Variants in TNRC6B observed in about 807,000 individuals in gnomAD.
TNRC6B encodes trinucleotide repeat containing adaptor 6B.
In TNRC6B, 52 loss-of-function variants were observed where a neutral mutation model predicts 203.6. That is an observed-to-expected ratio of 0.26 (90% confidence interval 0.20 to 0.32). The LOEUF is 0.32. TNRC6B is among the 10% of genes least tolerant of loss of function. TNRC6B has a pLI of 1.00. For missense variants in TNRC6B, 1,923 were observed against 2,286.2 expected (o/e 0.84, Z 3.24); for synonymous variants, 838 against 845.7 (o/e 0.99, Z 0.16).
intron 1 of TNRC6B, among the ~76,000 whole-genome samples, chr22:40,088,491 A>T (rs189912634): frequency 2.8e-4 from 42 of 151,886 alleles, no homozygotes; most frequent in Admixed American, 2.3e-3. Context: ...AGCTTACTGC[A>T]ACCTCCGCCT....
chr22:40,175,210 A>T (rs566800106), upstream of TNRC6B, among the ~76,000 whole-genome samples: 3 of 151,448 alleles, frequency 2.0e-5, no homozygotes, highest in South Asian at 6.2e-4. Flanking sequence ...TACAAAAATT[A>T]TCTGGGCATG....
At chr22:40,106,728 G>A (rs900764457) in intron 1 of TNRC6B, 15 of 764,442 alleles carry the variant, frequency 2.0e-5, no homozygotes, top group African/African-American at 1.7e-4. Context: ...TCAGGAAGGC[G>A]AAGAAGCTGC....
At chr22:40,084,298 C>T (rs528286931) in intron 1 of TNRC6B, among the ~76,000 whole-genome samples, 84 of 152,094 alleles carry the variant, frequency 5.5e-4, no homozygotes, top group Non-Finnish European at 9.4e-4. Context: ...ATAATCACAC[C>T]GTGAATTGAA....
At chr22:40,177,687 A>G (rs1192561618), upstream of TNRC6B, among the ~76,000 whole-genome samples, 2 of 152,176 alleles carry the variant, frequency 1.3e-5, no homozygotes, top group African/African-American at 2.4e-5. Context: ...CTATAAACCA[A>G]TAAAGGTTTT....
intron 1 of TNRC6B, among the ~76,000 whole-genome samples, chr22:40,216,366 C>T (rs1485669944): frequency 6.6e-6 from 1 of 152,200 alleles, no homozygotes; most frequent in Non-Finnish European, 1.5e-5. Context: ...CTTTCCCCAC[C>T]TGCACTATTT....
chr22:40,104,812 C>T (rs1304612999), intron 1 of TNRC6B, among the ~76,000 whole-genome samples: 3 of 152,202 alleles, frequency 2.0e-5, no homozygotes, highest in African/African-American at 7.2e-5. Flanking sequence ...TTAATCTTCA[C>T]TTCAACCCCT....
At chr22:40,164,716 C>T (rs1569004136) in intron 4 of TNRC6B, among the ~76,000 whole-genome samples, 1 of 144,094 alleles carries the variant, frequency 6.9e-6, no homozygotes, top group East Asian at 2.1e-4. Context: ...GAGCCGAGAT[C>T]GCGCCATTAC....
intron 1 of TNRC6B, among the ~76,000 whole-genome samples, chr22:40,240,063 C>T (rs547957857): frequency 4.2e-4 from 64 of 152,056 alleles, no homozygotes; most frequent in Non-Finnish European, 7.6e-4. Flanking sequence ...AAACTCCTGA[C>T]CTCATGATTT....
rs1193878298 is a variant in TNRC6B at position 40,334,642 on chromosome 22, A to G, written c.*11401A>G. 1 of 152,648 alleles carries G rather than the reference A, an allele frequency of 6.6e-6. No homozygotes were observed. The highest frequency in any genetic ancestry group is 1.5e-5 in the Non-Finnish European group (1 of 68,038). The allele number at this position is 152,648 out of a possible 1,614,324, so 9.5% of individuals were successfully genotyped here. On this transcript the variant is annotated 3_prime_UTR_variant, in exon 23 of 23. Coordinates refer to ENST00000454349, the MANE Select transcript of TNRC6B (RefSeq NM_001162501.2). ...TCCATAATCCTAGGGGGCTATGTTT[A>G]CATAGTAAAATACATCCTACCAAAT...
chr22:40,101,531 A>G (rs1485800970), intron 1 of TNRC6B, among the ~76,000 whole-genome samples: 1 of 152,128 alleles, frequency 6.6e-6, no homozygotes. Flanking sequence ...AGATTACTCT[A>G]ATGGTCTCTA....
chr22:40,218,931 G>A (rs562169772), intron 1 of TNRC6B, among the ~76,000 whole-genome samples: 2 of 152,328 alleles, frequency 1.3e-5, no homozygotes, highest in South Asian at 4.1e-4. Context: ...GGCAACAGTG[G>A]GACACTTTTG....
chr22:40,114,575 G>A (rs1401858988), intron 1 of TNRC6B, among the ~76,000 whole-genome samples: 3 of 152,028 alleles, frequency 2.0e-5, no homozygotes, highest in African/African-American at 7.2e-5. Flanking sequence ...CTCCTGCCTC[G>A]GCCTCTCAAA....
chr22:40,322,738 T>C lies in TNRC6B; in HGVS notation c.5115-116T>C, dbSNP rs1480880198. Reference sequence around the variant, plus strand: ...TTGCATTCTAAAAAGCGTTCATGGATATGGCAGCTTCTAGTCAAAGGACTG... The same window carrying C: ...TTGCATTCTAAAAAGCGTTCATGGACATGGCAGCTTCTAGTCAAAGGACTG... On this transcript the variant is annotated intron_variant, in intron 22 of 22. Coordinates refer to ENST00000454349, the MANE Select transcript of TNRC6B (RefSeq NM_001162501.2). 3.2e-6 allele frequency: 4 copies of C among 1,236,438 alleles called. 1 individual carries two copies. The highest frequency in any genetic ancestry group is 4.5e-6 in the Non-Finnish European group (4 of 887,750). The allele number at this position is 1,236,438 out of a possible 1,614,324, so 76.6% of individuals were successfully genotyped here.
At position 40,312,949 on chromosome 22, in the gene TNRC6B, C is replaced by A; in HGVS notation, c.4630C>A (p.Pro1544Thr). The A allele has an allele frequency of 6.2e-7, 1 of 1,613,812 alleles. No homozygotes were observed. The highest frequency in any genetic ancestry group is 1.3e-5 in the African/African-American group (1 of 75,028). ...NTSLPSPGAWPYSASDNSFTN... is the reference protein window; with the variant it reads ...NTSLPSPGAWTYSASDNSFTN... ...CTCGCTGCCTTCACCTGGTGCCTGG[C>A]CCTACAGTGCCTCTGACAACTCCTT... Residue 1544 changes from proline (P) to threonine (T), a missense_variant, in exon 19 of 23, where the codon CCC becomes ACC. Pro to Thr is a conservative substitution (Grantham distance 38, BLOSUM62 -1). Coordinates refer to ENST00000454349, the MANE Select transcript of TNRC6B (RefSeq NM_001162501.2).
At chr22:40,170,987 A>ATG (rs930239232) in intron 4 of TNRC6B, among the ~76,000 whole-genome samples, 2 of 147,336 alleles carry the variant, frequency 1.4e-5, no homozygotes, top group Admixed American at 6.8e-5. Flanking sequence ...ATGTACATAT[A>ATG]TGTGTATATA....
At chr22:40,155,165 T>C (rs1448753170) in intron 3 of TNRC6B, among the ~76,000 whole-genome samples, 2 of 152,036 alleles carry the variant, frequency 1.3e-5, no homozygotes, top group East Asian at 3.8e-4. Flanking sequence ...TTAAAAATAA[T>C]TCCACTATAA....
chr22:40,287,959 G>A (rs1057092242), intron 12 of TNRC6B, among the ~76,000 whole-genome samples: 5 of 152,216 alleles, frequency 3.3e-5, no homozygotes, highest in Non-Finnish European at 5.9e-5. Flanking sequence ...AATTTTCTGA[G>A]CACACCAGAT....
chr22:40,063,785 C>T (rs1422539251), intron 1 of TNRC6B, among the ~76,000 whole-genome samples: 1 of 152,084 alleles, frequency 6.6e-6, no homozygotes, highest in Non-Finnish European at 1.5e-5. Flanking sequence ...TTACTGCAGC[C>T]TTGACCTCTT....
At chr22:40,160,993 G>T (rs1324733513) in intron 4 of TNRC6B, among the ~76,000 whole-genome samples, 1 of 151,770 alleles carries the variant, frequency 6.6e-6, no homozygotes, top group African/African-American at 2.4e-5. Flanking sequence ...TTATTGGATT[G>T]TTTTTATAGC....
Sources: allele counts gnomAD v4.1 joint callset (sites outside exome capture counted in the v4.1 genomes callset), GRCh38; gene constraint gnomAD v4.1.1; transcripts MANE v1.5; gene names NCBI Gene and HGNC (gene_info 2026-07-23, HGNC 2026-07-21).